The following ATF6 variants were observed in gnomAD, a reference collection of about 807,000 sequenced individuals.
The protein encoded by ATF6 is cyclic AMP-dependent transcription factor ATF-6 alpha.
Under a neutral mutation model 83.6 loss-of-function variants are expected in ATF6, and 53 were observed. The ratio of observed to expected loss-of-function variants is 0.63; its 90% confidence interval spans 0.51 to 0.80. The LOEUF is 0.80. Ranked by LOEUF, ATF6 falls within the 30% of genes least tolerant of loss-of-function variation. The pLI is 0.00. For synonymous variants in ATF6, 288 were observed against 285.8 expected (o/e 1.01, Z -0.08); for missense variants, 744 against 797.9 (o/e 0.93, Z 0.81).
At chr1:161,861,309 G>C (rs1021375706) in intron 13 of ATF6, among the ~76,000 whole-genome samples, 14 of 152,060 alleles carry the variant, frequency 9.2e-5, no homozygotes, top group African/African-American at 3.4e-4. Flanking sequence ...TAGATAGATA[G>C]ATAGATAGTA....
chr1:161,809,214 G>A (rs1199919324), intron 7 of ATF6, among the ~76,000 whole-genome samples: 1 of 151,890 alleles, frequency 6.6e-6, no homozygotes, highest in African/African-American at 2.4e-5. Context: ...CCCACGACAG[G>A]CCCTGGTGTG....
chr1:161,802,351 T>C, intron 7 of ATF6, 79 bp downstream of exon 7: 1 of 1,314,948 alleles, frequency 7.6e-7, no homozygotes, highest in Non-Finnish European at 1.1e-6. Context: ...TTTGTTGCCT[T>C]GTTTTTGTTT....
At chr1:161,957,803 A>G (rs1198916734) in intron 15 of ATF6, among the ~76,000 whole-genome samples, 2 of 152,218 alleles carry the variant, frequency 1.3e-5, no homozygotes, top group Non-Finnish European at 2.9e-5. Flanking sequence ...GGAAATAAAG[A>G]TCGCCTCAAT....
At chr1:161,791,092 GTGTGTGTGTGTC>G (rs1684867410) in intron 4 of ATF6, among the ~76,000 whole-genome samples, 2 of 143,754 alleles carry the variant, frequency 1.4e-5, no homozygotes, top group African/African-American at 2.7e-5. Context: ...GTCTCTGTGT[GTGTGTGTGTGTC>G]TCTGTGTGTG....
intron 13 of ATF6, among the ~76,000 whole-genome samples, chr1:161,862,316 A>G (rs768492409): frequency 3.9e-5 from 6 of 152,106 alleles, no homozygotes; most frequent in Non-Finnish European, 5.9e-5. Flanking sequence ...TTCTCCTCTT[A>G]ATAATATTTG....
chr1:161,884,942 ACTACT>A (rs1262413607), intron 14 of ATF6, among the ~76,000 whole-genome samples: 2 of 152,176 alleles, frequency 1.3e-5, no homozygotes, highest in African/African-American at 4.8e-5. Context: ...TATTTTGTAC[ACTACT>A]CTAAAAATCT....
In ATF6 at chr1:161,846,557, T is replaced by TAC. The variant is rs1414823546; in HGVS notation, c.1297_1298insCA (p.Ile433ThrfsTer20). On this transcript the variant is annotated frameshift_variant, in exon 10 of 16. Transcript: ENST00000367942. LOFTEE classifies it high-confidence loss of function. The stretch of plus-strand genomic sequence containing the variant: ...AAGAGGCACAGGACACATCAGATGG[T>TAC]ATTATCCAGAAAAACAGCTACAGGT... 9.3e-6 allele frequency: 15 copies of TAC among 1,605,786 alleles called. No homozygotes were observed. Among genetic ancestry groups the TAC allele is most frequent in the Non-Finnish European group, 1.3e-5 (15 of 1,175,800 alleles).
chr1:161,849,084 C>G (rs995512423), intron 10 of ATF6, among the ~76,000 whole-genome samples: 1 of 152,092 alleles, frequency 6.6e-6, no homozygotes, highest in Non-Finnish European at 1.5e-5. Flanking sequence ...TTGTATTTTT[C>G]TAAGTATGCA....
intron 15 of ATF6, among the ~76,000 whole-genome samples, chr1:161,927,919 A>C (rs1688349027): frequency 6.6e-6 from 1 of 152,212 alleles, no homozygotes; most frequent in African/African-American, 2.4e-5. Context: ...AGTATTTTGG[A>C]GTTTTGTTTC....
chr1:161,787,883 C>G (rs1407982752), intron 4 of ATF6, among the ~76,000 whole-genome samples: 2 of 152,170 alleles, frequency 1.3e-5, no homozygotes, highest in East Asian at 3.9e-4. Flanking sequence ...TAGTAGATAT[C>G]TTTATATTAT....
chr1:161,858,172 A>G (rs1473689581), intron 12 of ATF6, among the ~76,000 whole-genome samples: 1 of 152,194 alleles, frequency 6.6e-6, no homozygotes, highest in Non-Finnish European at 1.5e-5. Context: ...ATACTAAAAA[A>G]TATGCAGTTC....
At chr1:161,829,367 G>C (rs1185104384) in intron 9 of ATF6, among the ~76,000 whole-genome samples, 1 of 151,732 alleles carries the variant, frequency 6.6e-6, no homozygotes, top group Non-Finnish European at 1.5e-5. Flanking sequence ...AAAGTTAACA[G>C]GGATATCCAG....
chr1:161,894,227 GTTTT>G (rs11304307), intron 14 of ATF6, among the ~76,000 whole-genome samples: 3 of 124,026 alleles, frequency 2.4e-5, no homozygotes, highest in Non-Finnish European at 3.6e-5. Context: ...TTGAGCAGGT[GTTTT>G]TTTTTTTTTT....
intron 10 of ATF6, 97 bp from the exon 11 acceptor site, chr1:161,851,625 T>A (rs1686633877): frequency 4.1e-6 from 3 of 738,212 alleles, no homozygotes; most frequent in Admixed American, 2.3e-5. Flanking sequence ...TATATTTTTG[T>A]TTCCATGAAA....
intron 9 of ATF6, among the ~76,000 whole-genome samples, chr1:161,830,376 G>C (rs1363872052): frequency 6.6e-6 from 1 of 152,094 alleles, no homozygotes; most frequent in Non-Finnish European, 1.5e-5. Flanking sequence ...TACTGCCCAA[G>C]GTAATTTATA....
chr1:161,957,173 TAA>T (rs11327624), intron 15 of ATF6, among the ~76,000 whole-genome samples: 149 of 148,782 alleles, frequency 1.0e-3, no homozygotes, highest in Middle Eastern at 3.4e-3. Flanking sequence ...GTGTCAAAGT[TAA>T]AAAAAAAAAA....
chr1:161,948,062 G>A (rs1443331759), intron 15 of ATF6, among the ~76,000 whole-genome samples: 1 of 151,940 alleles, frequency 6.6e-6, no homozygotes, highest in African/African-American at 2.4e-5. Flanking sequence ...GACCTCAAGT[G>A]ATCCACCCCC....
chr1:161,874,904 C>T (rs1434916644), intron 14 of ATF6, among the ~76,000 whole-genome samples: 1 of 151,644 alleles, frequency 6.6e-6, no homozygotes, highest in Non-Finnish European at 1.5e-5. Context: ...TCCTTGTTTT[C>T]TATATATTTG....
intron 1 of ATF6, among the ~76,000 whole-genome samples, chr1:161,777,445 G>A (rs1684541501): frequency 6.6e-6 from 1 of 152,188 alleles, no homozygotes; most frequent in African/African-American, 2.4e-5. Context: ...CTTGTGCACT[G>A]AGGAAATCAT....
Sources: allele counts gnomAD v4.1 joint callset (sites outside exome capture counted in the v4.1 genomes callset), GRCh38; gene constraint gnomAD v4.1.1; transcripts MANE v1.5; gene names NCBI Gene and HGNC (gene_info 2026-07-23, HGNC 2026-07-21).